The following DLG2 variants were observed in gnomAD, a reference collection of about 807,000 sequenced individuals.
DLG2 encodes the protein discs large MAGUK scaffold protein 2, also known as disks large homolog 2.
Under a neutral mutation model 132.5 loss-of-function variants are expected in DLG2, and 45 were observed. The ratio of observed to expected loss-of-function variants is 0.34; its 90% CI spans 0.27 to 0.44. The LOEUF (loss-of-function observed/expected upper bound fraction) is 0.44. Ranked by LOEUF, DLG2 falls within the 20% of genes least tolerant of loss-of-function variation. The pLI, the probability that DLG2 is intolerant of heterozygous loss-of-function variation, is 1.00. For synonymous variants in DLG2, 424 were observed against 419.6 expected (o/e 1.01, Z -0.13); for missense variants, 1,045 against 1,196.9 (o/e 0.87, Z 1.87).
intron 19 of DLG2, among the ~76,000 whole-genome samples, chr11:83,627,417 T>C (rs1313037626): frequency 2.0e-5 from 3 of 151,108 alleles, no homozygotes; most frequent in Non-Finnish European, 4.4e-5. Flanking sequence ...CCTGTGTCCA[T>C]GTGTTCTCAT....
intron 7 of DLG2, among the ~76,000 whole-genome samples, chr11:84,526,990 G>T (rs954034144): frequency 6.6e-6 from 1 of 151,996 alleles, no homozygotes; most frequent in Non-Finnish European, 1.5e-5. Flanking sequence ...GTTTTAGCCG[G>T]GATGATCTCG....
At chr11:84,922,353 C>T (rs945568743) in intron 6 of DLG2, among the ~76,000 whole-genome samples, 5 of 152,128 alleles carry the variant, frequency 3.3e-5, no homozygotes, top group Non-Finnish European at 7.3e-5. Context: ...CTGGTCTGGC[C>T]GGCTCAGTGC....
chr11:83,787,612 C>T (rs1354105639), intron 17 of DLG2, among the ~76,000 whole-genome samples: 9 of 152,224 alleles, frequency 5.9e-5, no homozygotes, highest in African/African-American at 1.4e-4. Context: ...TGAGCCACCG[C>T]GCCCGGCCGC....
Position 84,490,524 on chromosome 11 carries a change from T to C in DLG2, c.519+44046A>G, listed in dbSNP as rs540840348. ...ACTGGCCTCTGTTTAATCATAGGTCTTGATGACTCTCAGCGGAGATTTAAT... is the reference window on the plus strand; with the variant it reads ...ACTGGCCTCTGTTTAATCATAGGTCCTGATGACTCTCAGCGGAGATTTAAT... On this transcript the variant is annotated intron_variant, in intron 7 of 27. Transcript: ENST00000376104. Among the ~76,000 whole-genome samples, 65 of 152,082 alleles carry C rather than the reference T, an allele frequency of 4.3e-4. 1 individual carries two copies. In the East Asian group the frequency reaches 0.011, roughly 26 times the overall value.
At chr11:84,365,182 A>G (rs551478235) in intron 7 of DLG2, among the ~76,000 whole-genome samples, 3 of 152,232 alleles carry the variant, frequency 2.0e-5, no homozygotes, top group African/African-American at 7.2e-5. Flanking sequence ...TATTGCCACA[A>G]TTTCAGATCC....
rs574560813 is a variant in DLG2, at chr11:84,249,578, T to C, written c.573+1660A>G. Among the ~76,000 whole-genome samples, 6 of 152,296 alleles carry C rather than the reference T, an allele frequency of 3.9e-5. No homozygotes were observed. The East Asian group carries it at 7.7e-4, about 20-fold the overall frequency. On this transcript the variant is annotated intron_variant, in intron 8 of 27. Coordinates refer to ENST00000376104, the MANE Select transcript of DLG2 (RefSeq NM_001142699.3). ...AGAGAAATTAATAGTACCTACCTCA[T>C]AGGATTGTTATGAGGATTAAATGAG...
At chr11:83,759,999 A>C (rs1455381250) in intron 18 of DLG2, among the ~76,000 whole-genome samples, 1 of 152,206 alleles carries the variant, frequency 6.6e-6, no homozygotes, top group Non-Finnish European at 1.5e-5. Flanking sequence ...ATGGTTTGTG[A>C]TATTTAGAAG....
chr11:83,580,340 C>A (rs688984), intron 19 of DLG2, among the ~76,000 whole-genome samples: 152,144 of 152,144 alleles, frequency 1, 76,072 homozygotes, highest in Non-Finnish European at 1. Context: ...TCCCTAAAAC[C>A]ATAGATGCCA....
chr11:85,105,698 G>C (rs190404323), intron 6 of DLG2, among the ~76,000 whole-genome samples: 28 of 152,032 alleles, frequency 1.8e-4, no homozygotes, highest in Admixed American at 9.8e-4. Flanking sequence ...CGATTTATAA[G>C]AGGACTGCTG....
chr11:85,488,066 T>G (rs920035007), intron 3 of DLG2, among the ~76,000 whole-genome samples: 2 of 152,212 alleles, frequency 1.3e-5, no homozygotes, highest in Non-Finnish European at 2.9e-5. Context: ...TTTTGCATCT[T>G]CCTCATTTTT....
At chr11:84,388,831 C>A (rs1302797996) in intron 7 of DLG2, among the ~76,000 whole-genome samples, 2 of 152,032 alleles carry the variant, frequency 1.3e-5, no homozygotes, top group East Asian at 1.9e-4. Flanking sequence ...CATAAAAAAT[C>A]ATGTAACTCT....
intron 7 of DLG2, among the ~76,000 whole-genome samples, chr11:84,530,685 T>G (rs1476271423): frequency 6.6e-6 from 1 of 152,218 alleles, no homozygotes; most frequent in Admixed American, 6.5e-5. Context: ...AGGAATACCA[T>G]TATTTCAGCT....
At chr11:85,360,000 A>C (rs562861655) in intron 3 of DLG2, among the ~76,000 whole-genome samples, 3 of 152,202 alleles carry the variant, frequency 2.0e-5, no homozygotes, top group African/African-American at 7.2e-5. Context: ...CATTCTCTCT[A>C]TACTCAGCTC....
At chr11:84,345,150 A>T (rs1228383631) in intron 7 of DLG2, among the ~76,000 whole-genome samples, 1 of 152,206 alleles carries the variant, frequency 6.6e-6, no homozygotes. Context: ...AAGAAAGAAA[A>T]GAAATGTCAG....
At chr11:83,926,303 A>T (rs1398256999) in intron 15 of DLG2, among the ~76,000 whole-genome samples, 1 of 152,190 alleles carries the variant, frequency 6.6e-6, no homozygotes, top group African/African-American at 2.4e-5. Context: ...AAACTGATGT[A>T]AATGTAAGGA....
In DLG2 at chr11:83,743,449, T is replaced by TTTTTTTTTA. The variant is rs1555372680; in HGVS notation, c.1825+43240_1825+43241insTAAAAAAAA. ...AGGCCATTTTTTTTTTTTTTTTTTT[T>TTTTTTTTTA]ATGACAGGGTCTCACTTTGTCACCC... On this transcript the variant is annotated intron_variant, in intron 18 of 27. Transcript: ENST00000376104. 3.3e-4 allele frequency among the ~76,000 whole-genome samples: 41 copies of TTTTTTTTTA among 124,052 alleles called. 3 individuals carry two copies. Among genetic ancestry groups the TTTTTTTTTA allele is most frequent in the African/African-American group, 1.5e-3 (35 of 24,076 alleles). 81.4% of individuals were successfully genotyped at this position (124,052 alleles called of 152,430 possible).
chr11:84,533,721 GT>G lies in DLG2; in HGVS notation c.519+848del, dbSNP rs2099348254. On this transcript the variant is annotated intron_variant, in intron 7 of 27. Coordinates refer to ENST00000376104, the MANE Select transcript of DLG2 (RefSeq NM_001142699.3). ...GTGTAGAAGTGCTGGCAAAATGAAT[GT>G]TCTCGGTGATGAAAGAAATTTTTGT... Among the ~76,000 whole-genome samples, 3 of 151,860 alleles carry G rather than the reference GT, an allele frequency of 2.0e-5. No individual in the cohort carries two copies. The South Asian group carries it at 6.2e-4, about 32-fold the overall frequency.
intron 6 of DLG2, among the ~76,000 whole-genome samples, chr11:85,038,909 T>A (rs2061624317): frequency 1.3e-5 from 2 of 151,942 alleles, no homozygotes; most frequent in Non-Finnish European, 2.9e-5. Context: ...TTAAAATACC[T>A]TTTTTTCTCA....
chr11:84,336,907 T>C (rs2098487519), intron 7 of DLG2, among the ~76,000 whole-genome samples: 1 of 152,150 alleles, frequency 6.6e-6, no homozygotes, highest in South Asian at 2.1e-4. Context: ...CTAAACTCAA[T>C]CCAAGGGGAT....
Sources: gnomAD v4.1 joint callset for allele counts (sites outside exome capture counted in the v4.1 genomes callset) on GRCh38, gnomAD v4.1.1 for gene constraint, MANE v1.5 for transcripts, NCBI Gene and HGNC (gene_info 2026-07-23, HGNC 2026-07-21) for gene names.